The following CGNL1 variants were observed in gnomAD, a reference collection of about 807,000 sequenced individuals.
CGNL1 encodes cingulin like 1.
A neutral mutation model predicts 141.2 loss-of-function variants in CGNL1; 132 were observed. That is an observed-to-expected ratio of 0.93 (90% CI 0.81 to 1.08). The LOEUF (loss-of-function observed/expected upper bound fraction) is 1.08, where lower values mean the gene tolerates loss of function less well. Ranked by LOEUF, CGNL1 falls within the 50% of genes least tolerant of loss-of-function variation. CGNL1 has a pLI of 0.00. For missense variants in CGNL1, 1,870 were observed against 1,588.6 expected (o/e 1.18, Z -3.01); for synonymous variants, 690 against 622.1 (o/e 1.11, Z -1.63).
chr15:57,481,329 C>G (rs1311597634), intron 8 of CGNL1, among the ~76,000 whole-genome samples: 1 of 152,080 alleles, frequency 6.6e-6, no homozygotes, highest in African/African-American at 2.4e-5. Flanking sequence ...CCTTTTATAG[C>G]CATGCCATCT....
chr15:57,546,100 A>G lies in CGNL1; in HGVS notation c.3634A>G (p.Lys1212Glu). 1 of 1,613,714 alleles carries G rather than the reference A, an allele frequency of 6.2e-7. No individual in the cohort carries two copies. ...DQLSLRLKAM[K>E]RQVEEAEEEI... The stretch of plus-strand genomic sequence containing the variant: ...GCTGAGCTTGCGTTTGAAAGCCATG[A>G]AGCGGCAGGTGGAGGAGGCTGAGGA... Residue 1212 changes from lysine to glutamate, a missense_variant, in exon 18 of 19, where the codon AAG becomes GAG. Coordinates refer to ENST00000281282, the MANE Select transcript of CGNL1 (RefSeq NM_032866.5).
At chr15:57,485,368 G>C (rs1052140276) in intron 8 of CGNL1, among the ~76,000 whole-genome samples, 15 of 152,086 alleles carry the variant, frequency 9.9e-5, no homozygotes, top group South Asian at 4.1e-4. Flanking sequence ...TATTTTGCTA[G>C]AAAGAGATTT....
At chr15:57,383,886 A>C (rs145296775) in intron 1 of CGNL1, among the ~76,000 whole-genome samples, 1 of 147,454 alleles carries the variant, frequency 6.8e-6, no homozygotes, top group African/African-American at 2.5e-5. Context: ...CCATCCACCC[A>C]CCTAGGCCTC....
chr15:57,504,087 G>T (rs72739782), intron 8 of CGNL1, among the ~76,000 whole-genome samples: 2 of 152,256 alleles, frequency 1.3e-5, no homozygotes, highest in Non-Finnish European at 2.9e-5. Context: ...GAGCCTCCGG[G>T]TTCACTGCTG....
rs55815547 is a variant in CGNL1, at chr15:57,502,183, T to C, written c.2404-14597T>C. On this transcript the variant is annotated intron_variant, in intron 8 of 18. Transcript: ENST00000281282. ...GCCTAAGAGGAAAAGAAAGACAGGA[T>C]GGTATGAGGGTGGGTTTTAAGTTTT... is the stretch of plus-strand genomic sequence containing the variant. 8.9e-3 allele frequency among the ~76,000 whole-genome samples: 1,356 copies of C among 152,092 alleles called. 16 individuals are homozygous for C. Among genetic ancestry groups the C allele is most frequent in the South Asian group, 0.018 (85 of 4,820 alleles).
chr15:57,442,190 A>AAAAAAAAAAG (rs2063197539), intron 3 of CGNL1, among the ~76,000 whole-genome samples, 183 bp from the exon 4 acceptor site: 1 of 147,990 alleles, frequency 6.8e-6, no homozygotes, highest in Non-Finnish European at 1.5e-5. Flanking sequence ...TTGAAAAAAA[A>AAAAAAAAAAG]AAAAAAAAAA....
rs1351028994 is a variant in CGNL1, at chr15:57,441,744, TG to T, written c.1698-626del. 3.9e-5 allele frequency among the ~76,000 whole-genome samples: 6 copies of T among 152,314 alleles called. No individual in the cohort carries two copies. In the South Asian group the frequency reaches 1.2e-3, roughly 32 times the overall value. ...GAGACATTGGTAAGACAGACTTTAGTGGGAGGTGCCTGTTGAAGGAAGTTTA... is the reference window on the plus strand; with the variant it reads ...GAGACATTGGTAAGACAGACTTTAGTGGAGGTGCCTGTTGAAGGAAGTTTA... On this transcript the variant is annotated intron_variant, in intron 3 of 18. Coordinates refer to ENST00000281282, the MANE Select transcript of CGNL1 (RefSeq NM_032866.5).
rs935101146 is a variant in CGNL1 at position 57,438,440 on chromosome 15, G to C, written c.441G>C (p.Arg147Ser). The change falls in exon 2 of 19, where the codon AGG becomes AGC. Residue 147 changes from arginine to serine, a missense_variant. Transcript: ENST00000281282. ...CATCTCACCTGCTGAACTTTCAGAG[G>C]CATCCAGAGCTTTTGCAACCCTATG... is the stretch of plus-strand genomic sequence containing the variant. ...VKPSHLLNFQ[R>S]HPELLQPYDP... The C allele has an allele frequency of 9.3e-6, 15 of 1,614,050 alleles. No homozygotes were observed. The highest frequency in any genetic ancestry group is 1.2e-5 in the Non-Finnish European group (14 of 1,180,044).
At chr15:57,544,423 C>A in intron 15 of CGNL1, 50 bp from the exon 16 acceptor site, 1 of 1,610,066 alleles carries the variant, frequency 6.2e-7, no homozygotes, top group Non-Finnish European at 8.5e-7. Context: ...CTGCTCTGCA[C>A]AGAGCGTGGC....
At chr15:57,498,849 G>C (rs929332302) in intron 8 of CGNL1, among the ~76,000 whole-genome samples, 1 of 152,078 alleles carries the variant, frequency 6.6e-6, no homozygotes, top group South Asian at 2.1e-4. Context: ...TTTTTTAAAA[G>C]CCAGTAGAAG....
At chr15:57,455,618 T>A (rs1355145053) in intron 7 of CGNL1, among the ~76,000 whole-genome samples, 5 of 152,216 alleles carry the variant, frequency 3.3e-5, no homozygotes, top group Non-Finnish European at 5.9e-5. Flanking sequence ...TCTAGCACAG[T>A]GCCAAGCAAC....
intron 1 of CGNL1, among the ~76,000 whole-genome samples, chr15:57,414,290 C>T (rs1297315066): frequency 1.3e-5 from 2 of 152,220 alleles, no homozygotes; most frequent in African/African-American, 4.8e-5. Flanking sequence ...CCGTCCATCA[C>T]AGGCAGATTT....
intron 1 of CGNL1, among the ~76,000 whole-genome samples, chr15:57,431,179 C>T (rs2063040632): frequency 6.6e-6 from 1 of 152,156 alleles, no homozygotes; most frequent in Admixed American, 6.5e-5. Context: ...TATTTTTTCC[C>T]CCCAAATAGA....
At chr15:57,489,770 C>T (rs1206225817) in intron 8 of CGNL1, among the ~76,000 whole-genome samples, 1 of 152,126 alleles carries the variant, frequency 6.6e-6, no homozygotes, top group Non-Finnish European at 1.5e-5. Flanking sequence ...AGTTTTGGTG[C>T]TGAAGCTTGG....
chr15:57,544,477 AG>A lies in CGNL1; in HGVS notation c.3382del (p.Asp1128ThrfsTer2), dbSNP rs1405047883. The A allele has an allele frequency of 6.2e-7, 1 of 1,614,090 alleles. No individual in the cohort carries two copies. The highest frequency in any genetic ancestry group is 8.5e-7 in the Non-Finnish European group (1 of 1,179,992). Reference sequence around the variant, plus strand: ...AGTCTCCCTGTGTTGTTCCAGAACAAGGACTTAAAGAGCCGGATTATCCACC... The same window carrying A: ...AGTCTCCCTGTGTTGTTCCAGAACAAGACTTAAAGAGCCGGATTATCCACC... ...CDKISLERQN[K>X]DLKSRIIHLE... On this transcript the variant is annotated frameshift_variant, in exon 16 of 19. Transcript: ENST00000281282. LOFTEE classifies it high-confidence loss of function.
At chr15:57,474,394 C>T (rs1383887895) in intron 8 of CGNL1, among the ~76,000 whole-genome samples, 1 of 152,180 alleles carries the variant, frequency 6.6e-6, no homozygotes, top group African/African-American at 2.4e-5. Context: ...CCCACAGCAT[C>T]CTGCCATGCC....
At chr15:57,428,391 C>A (rs2063003726) in intron 1 of CGNL1, among the ~76,000 whole-genome samples, 1 of 152,202 alleles carries the variant, frequency 6.6e-6, no homozygotes, top group Non-Finnish European at 1.5e-5. Flanking sequence ...GTTTACACAT[C>A]TCTAAAGTGG....
intron 1 of CGNL1, among the ~76,000 whole-genome samples, chr15:57,383,298 T>TTTTTTTTTTTTTTTTTTTTG (rs1555428834): frequency 1.2e-4 from 17 of 141,676 alleles, no homozygotes; most frequent in African/African-American, 4.4e-4. Context: ...CTTCCTTTTT[T>TTTTTTTTTTTTTTTTTTTTG]TTTTTTTGTT....
chr15:57,542,013 C>G lies in CGNL1; in HGVS notation c.3292-1683C>G, dbSNP rs1250705915. On this transcript the variant is annotated intron_variant, in intron 14 of 18. Transcript: ENST00000281282. ...TTAGCCCCCTTCCCCGTTGCCCACT[C>G]TGGGCCAGTGACATCATGCTGTGTG... 3.9e-5 allele frequency among the ~76,000 whole-genome samples: 6 copies of G among 152,338 alleles called. No homozygotes were observed. In the East Asian group the frequency reaches 1.2e-3, roughly 29 times the overall value.
Sources: gnomAD v4.1 joint callset for allele counts (sites outside exome capture counted in the v4.1 genomes callset) on GRCh38, gnomAD v4.1.1 for gene constraint, MANE v1.5 for transcripts, NCBI Gene and HGNC (gene_info 2026-07-23, HGNC 2026-07-21) for gene names.